Variants in TSPAN5 observed in about 807,000 individuals in gnomAD.
The protein encoded by TSPAN5 is tetraspanin 5, also known as tetraspanin-5.
In TSPAN5, 10 loss-of-function variants were observed where a neutral mutation model predicts 37.1. That is an observed-to-expected ratio of 0.27 (90% CI 0.17 to 0.46). The LOEUF (loss-of-function observed/expected upper bound fraction) is 0.46. Ranked by LOEUF, TSPAN5 falls within the 20% of genes least tolerant of loss-of-function variation. The pLI, the probability that TSPAN5 is intolerant of heterozygous loss-of-function variation, is 1.00. For synonymous variants in TSPAN5, 110 were observed against 118.9 expected, an observed-to-expected ratio of 0.93 and a Z score of 0.48; for missense variants, 195 against 326.6, an observed-to-expected ratio of 0.60 and a Z score of 3.11.
At chr4:98,537,055 ACTC>A (rs1754251950) in intron 1 of TSPAN5, among the ~76,000 whole-genome samples, 3 of 151,686 alleles carry the variant, frequency 2.0e-5, no homozygotes, top group South Asian at 4.2e-4. Context: ...GAAAAAAAGA[ACTC>A]CTGCAGCTAG....
intron 2 of TSPAN5, among the ~76,000 whole-genome samples, chr4:98,498,009 C>T (rs951398406): frequency 1.3e-5 from 2 of 152,188 alleles, no homozygotes; most frequent in African/African-American, 2.4e-5. Flanking sequence ...TTTAGAAGCC[C>T]GCTCAGGTGG....
chr4:98,550,192 T>C (rs541200020), intron 1 of TSPAN5, among the ~76,000 whole-genome samples: 1 of 152,284 alleles, frequency 6.6e-6, no homozygotes, highest in South Asian at 2.1e-4. Flanking sequence ...AAATCAGTTG[T>C]AGATATGTGG....
chr4:98,605,801 T>C lies in TSPAN5; in HGVS notation c.81+52345A>G, dbSNP rs1756027072. ...TATAGTTAATGTGTTTTTGATACTA[T>C]ATCTTAGCTGCCCATCCAGCATTGG... is the stretch of plus-strand genomic sequence containing the variant. On this transcript the variant is annotated intron_variant, in intron 1 of 7. Coordinates refer to ENST00000305798, the MANE Select transcript of TSPAN5 (RefSeq NM_005723.4). Among the ~76,000 whole-genome samples, 7 of 152,184 alleles carry C rather than the reference T, an allele frequency of 4.6e-5. No individual in the cohort carries two copies. In the South Asian group the frequency reaches 1.4e-3, roughly 32 times the overall value.
chr4:98,592,177 T>C (rs1381393503), intron 1 of TSPAN5, among the ~76,000 whole-genome samples: 1 of 149,484 alleles, frequency 6.7e-6, no homozygotes, highest in Non-Finnish European at 1.5e-5. Context: ...CTTTATCTCA[T>C]GCCATACGGA....
intron 1 of TSPAN5, among the ~76,000 whole-genome samples, chr4:98,524,417 G>T (rs1753917413): frequency 6.6e-6 from 1 of 152,136 alleles, no homozygotes; most frequent in Non-Finnish European, 1.5e-5. Flanking sequence ...CAGTCAGCAG[G>T]GAAGTTTTGT....
At chr4:98,642,450 T>TA (rs1456452980) in intron 1 of TSPAN5, among the ~76,000 whole-genome samples, 1 of 152,236 alleles carries the variant, frequency 6.6e-6, no homozygotes, top group Non-Finnish European at 1.5e-5. Context: ...GCTTATGTGT[T>TA]AGTTTCTAAA....
intron 1 of TSPAN5, among the ~76,000 whole-genome samples, chr4:98,607,205 G>A (rs1756058474): frequency 6.6e-6 from 1 of 152,192 alleles, no homozygotes; most frequent in Non-Finnish European, 1.5e-5. Flanking sequence ...CTTGCACTGC[G>A]ATTCCCAGCA....
At chr4:98,600,802 TA>T (rs1254468388) in intron 1 of TSPAN5, among the ~76,000 whole-genome samples, 1 of 152,218 alleles carries the variant, frequency 6.6e-6, no homozygotes, top group Non-Finnish European at 1.5e-5. Flanking sequence ...TAATGGCATC[TA>T]GAATGATGAC....
At chr4:98,551,152 T>C (rs888176469) in intron 1 of TSPAN5, among the ~76,000 whole-genome samples, 1 of 152,228 alleles carries the variant, frequency 6.6e-6, no homozygotes, top group East Asian at 1.9e-4. Flanking sequence ...GTTTTTGTCC[T>C]TAATTCTGTC....
At position 98,658,566 on chromosome 4, in the gene TSPAN5, G is replaced by C. The variant is rs1413649415; in HGVS notation, c.-340C>G. On this transcript the variant is annotated 5_prime_UTR_variant, in exon 1 of 8. Coordinates refer to ENST00000305798, the MANE Select transcript of TSPAN5 (RefSeq NM_005723.4). Reference sequence around the variant, plus strand: ...GTCCGTCGGTTCGTCCCCGGGCTTCGGGCAAAGGCGGCCGCGGCAGATGCT... The same window carrying C: ...GTCCGTCGGTTCGTCCCCGGGCTTCCGGCAAAGGCGGCCGCGGCAGATGCT... 1 of 165,082 alleles carries C rather than the reference G, an allele frequency of 6.1e-6. No homozygotes were observed. Among genetic ancestry groups the C allele is most frequent in the Non-Finnish European group, 1.3e-5 (1 of 76,952 alleles). 10.2% of individuals were successfully genotyped at this position (165,082 alleles called of 1,614,324 possible). A position where few individuals can be genotyped will look rare whatever the true frequency, so the allele number is the denominator to read the frequency against.
intron 1 of TSPAN5, among the ~76,000 whole-genome samples, chr4:98,549,293 T>G (rs202242553): frequency 2.8e-4 from 34 of 122,558 alleles, no homozygotes; most frequent in African/African-American, 7.4e-4. Flanking sequence ...TGTTTGTTTG[T>G]TTGTTTTTGT....
intron 1 of TSPAN5, among the ~76,000 whole-genome samples, chr4:98,656,170 A>C (rs1337277359): frequency 6.6e-6 from 1 of 152,176 alleles, no homozygotes; most frequent in Non-Finnish European, 1.5e-5. Flanking sequence ...GAAGCTCTCT[A>C]CAATTCCAGG....
intron 1 of TSPAN5, among the ~76,000 whole-genome samples, chr4:98,520,946 G>C (rs567890712): frequency 1.3e-5 from 2 of 151,326 alleles, no homozygotes; most frequent in East Asian, 2.0e-4. Context: ...GGGGCAGGGT[G>C]GGGGGGATAG....
intron 2 of TSPAN5, among the ~76,000 whole-genome samples, chr4:98,491,028 C>T (rs1753074189): frequency 6.6e-6 from 1 of 151,860 alleles, no homozygotes; most frequent in African/African-American, 2.4e-5. Flanking sequence ...CACCACTGCA[C>T]TCCAGCCTGG....
At chr4:98,581,566 G>T (rs958442651) in intron 1 of TSPAN5, among the ~76,000 whole-genome samples, 1 of 152,000 alleles carries the variant, frequency 6.6e-6, no homozygotes. Flanking sequence ...TCACAATTAC[G>T]TTATTCCACA....
At chr4:98,513,045 A>G (rs1377564525) in intron 1 of TSPAN5, among the ~76,000 whole-genome samples, 1 of 152,204 alleles carries the variant, frequency 6.6e-6, no homozygotes, top group Non-Finnish European at 1.5e-5. Context: ...ATGTAGTCCA[A>G]AGGATGAGAA....
At chr4:98,523,039 A>G (rs1404841907) in intron 1 of TSPAN5, among the ~76,000 whole-genome samples, 2 of 152,200 alleles carry the variant, frequency 1.3e-5, no homozygotes, top group Non-Finnish European at 2.9e-5. Flanking sequence ...GGGTTTTGAC[A>G]AATCATTCTT....
intron 1 of TSPAN5, among the ~76,000 whole-genome samples, chr4:98,614,651 A>G (rs1756277865): frequency 6.6e-6 from 1 of 152,204 alleles, no homozygotes; most frequent in African/African-American, 2.4e-5. Flanking sequence ...CATTTCTAAC[A>G]TCCAAACACT....
intron 1 of TSPAN5, among the ~76,000 whole-genome samples, chr4:98,592,421 G>GGT (rs1755661435): frequency 1.0e-5 from 1 of 95,280 alleles, no homozygotes; most frequent in African/African-American, 4.4e-5. Context: ...AGGGATCTCT[G>GGT]TTTTTTGTTT....
Sources: gnomAD v4.1 joint callset for allele counts (sites outside exome capture counted in the v4.1 genomes callset) on GRCh38, gnomAD v4.1.1 for gene constraint, MANE v1.5 for transcripts, NCBI Gene and HGNC (gene_info 2026-07-23, HGNC 2026-07-21) for gene names.